The following RNF4 variants were observed in gnomAD, a reference collection of about 807,000 sequenced individuals.
RNF4 encodes the protein E3 ubiquitin-protein ligase RNF4.
A neutral mutation model predicts 24.3 loss-of-function variants in RNF4; 7 were observed. The ratio of observed to expected loss-of-function variants is 0.29; its 90% CI spans 0.16 to 0.54. The LOEUF is 0.54. RNF4 is among the 20% of genes least tolerant of loss of function. The pLI is 0.95. For missense variants in RNF4, 209 were observed against 248.5 expected (o/e 0.84, Z 1.07); for synonymous variants, 83 against 84.3 (o/e 0.98, Z 0.09).
In RNF4 at chr4:2,513,880, T is replaced by C; in HGVS notation, c.*61T>C. On this transcript the variant is annotated 3_prime_UTR_variant, in exon 8 of 8. Transcript: ENST00000314289. ...GACAGACAGCCAGGTTCTCCAGTGGTATCTGCCTCCATTTTCCTGAGATCA... is the reference window on the plus strand; with the variant it reads ...GACAGACAGCCAGGTTCTCCAGTGGCATCTGCCTCCATTTTCCTGAGATCA... 6.2e-7 allele frequency: 1 copy of C among 1,600,878 alleles called. No individual in the cohort carries two copies. Among genetic ancestry groups the C allele is most frequent in the South Asian group, 1.1e-5 (1 of 90,718 alleles).
chr4:2,512,639 G>T lies in RNF4; in HGVS notation c.374+42G>T. The T allele has an allele frequency of 1.2e-6, 2 of 1,606,674 alleles. No individual in the cohort carries two copies. Among genetic ancestry groups the T allele is most frequent in the Non-Finnish European group, 8.5e-7 (1 of 1,175,714 alleles). On this transcript the variant is annotated intron_variant, in intron 6 of 7. Coordinates refer to ENST00000314289, the MANE Select transcript of RNF4 (RefSeq NM_002938.5). This position sits in a 1 kb window ranked among gnomAD's most constrained non-coding sequence, Gnocchi z 4.1. Reference sequence around the variant, plus strand: ...AGCTCTGCTGCCGCCATGCTAGGATGTGGGGCCAGGGCATGGGAATACTTT... The same window carrying T: ...AGCTCTGCTGCCGCCATGCTAGGATTTGGGGCCAGGGCATGGGAATACTTT...
chr4:2,469,954 C>G (rs1451358736), intron 1 of RNF4: 1 of 152,278 alleles, frequency 6.6e-6, no homozygotes, highest in Non-Finnish European at 1.5e-5. Flanking sequence ...TCTCACGACC[C>G]GAAACAGAGT....
rs1004706558 is a variant in RNF4, at chr4:2,497,008, G to C, written c.11G>C (p.Arg4Thr). The change falls in exon 3 of 8, where the codon AGA (arginine) becomes ACA (threonine). Residue 4 changes from arginine to threonine, a missense_variant and splice_region_variant. Physicochemically the swap from Arg to Thr is moderately conservative, Grantham distance 71. Coordinates refer to ENST00000314289, the MANE Select transcript of RNF4 (RefSeq NM_002938.5). MST[R>T]KRRGGAINSR... is the part of the protein sequence containing the mutation. ...TCTTCTTTCCCCCTTGCTACTCAGA[G>C]AAAGCGTCGTGGTGGAGCAATAAAT... is the stretch of plus-strand genomic sequence containing the variant. 11 of 1,596,128 alleles carry C rather than the reference G, an allele frequency of 6.9e-6. No individual in the cohort carries two copies. The highest frequency in any genetic ancestry group is 9.4e-6 in the Non-Finnish European group (11 of 1,171,588).
chr4:2,494,958 A>G (rs1245836574), intron 2 of RNF4, among the ~76,000 whole-genome samples: 1 of 152,216 alleles, frequency 6.6e-6, no homozygotes, highest in Non-Finnish European at 1.5e-5. Flanking sequence ...AGAAGTTACT[A>G]TTTATTTCTA....
intron 1 of RNF4, chr4:2,481,250 CAT>C (rs763316534): frequency 1.3e-5 from 2 of 152,212 alleles, no homozygotes; most frequent in Non-Finnish European, 2.9e-5. Flanking sequence ...AACCATTTCT[CAT>C]GTGTAGAGCT....
chr4:2,494,978 G>A (rs929657901), intron 2 of RNF4, among the ~76,000 whole-genome samples: 6 of 152,172 alleles, frequency 3.9e-5, no homozygotes, highest in Non-Finnish European at 7.3e-5. Flanking sequence ...AATTAGATGG[G>A]GAGGAAAGTC....
At chr4:2,504,712 G>A (rs1388245780) in intron 4 of RNF4, among the ~76,000 whole-genome samples, 2 of 142,530 alleles carry the variant, frequency 1.4e-5, no homozygotes, top group Non-Finnish European at 3.0e-5. Flanking sequence ...CACCATGCCC[G>A]GCTCATTTTT....
At chr4:2,500,217 G>A (rs1397440598) in intron 3 of RNF4, among the ~76,000 whole-genome samples, 1 of 150,368 alleles carries the variant, frequency 6.7e-6, no homozygotes, top group African/African-American at 2.4e-5. Flanking sequence ...ACTAAGCTAA[G>A]CCTGACTTTT....
intron 1 of RNF4, among the ~76,000 whole-genome samples, chr4:2,474,782 T>C (rs779390254): frequency 2.0e-4 from 30 of 152,128 alleles, no homozygotes; most frequent in Admixed American, 5.2e-4. Flanking sequence ...CCCAGCACTT[T>C]AGGAGGCCGA....
At chr4:2,492,016 G>C (rs1472773709) in intron 2 of RNF4, among the ~76,000 whole-genome samples, 2 of 151,788 alleles carry the variant, frequency 1.3e-5, no homozygotes, top group Admixed American at 1.3e-4. Flanking sequence ...GGCTAACACG[G>C]TGAAACCCCG....
intron 1 of RNF4, among the ~76,000 whole-genome samples, chr4:2,475,579 C>T (rs1166518555): frequency 3.3e-5 from 5 of 152,218 alleles, no homozygotes; most frequent in Admixed American, 2.6e-4. Context: ...ACCTCAAGAT[C>T]CACCCGCCTC....
At chr4:2,480,192 C>T (rs539343507) in intron 1 of RNF4, 1 of 152,116 alleles carries the variant, frequency 6.6e-6, no homozygotes, top group African/African-American at 2.4e-5. Context: ...GCAATCCTGC[C>T]TTGGCTTCCC....
chr4:2,486,846 C>G (rs936915924), intron 1 of RNF4, among the ~76,000 whole-genome samples: 1 of 152,164 alleles, frequency 6.6e-6, no homozygotes, highest in Non-Finnish European at 1.5e-5. Context: ...TTTCTAAATT[C>G]TAAGACACGC....
Position 2,490,387 on chromosome 4 carries a change from G to C in RNF4, c.-107G>C. The C allele has an allele frequency of 9.0e-7, 1 of 1,112,164 alleles. No individual in the cohort carries two copies. The highest frequency in any genetic ancestry group is 1.3e-6 in the Non-Finnish European group (1 of 759,954). 68.9% of individuals were successfully genotyped at this position (1,112,164 alleles called of 1,614,324 possible). ...CGGATCCAAATTATTTTGCAAGCCA[G>C]ATGAGTAACCAGAGGGCATGAAAGG... On this transcript the variant is annotated 5_prime_UTR_variant, in exon 2 of 8. Transcript: ENST00000314289.
chr4:2,498,838 C>T (rs1157667684), intron 3 of RNF4, among the ~76,000 whole-genome samples: 1 of 152,134 alleles, frequency 6.6e-6, no homozygotes, highest in African/African-American at 2.4e-5. Context: ...CTGCAGTGAG[C>T]CGTGATCGTG....
intron 1 of RNF4, among the ~76,000 whole-genome samples, chr4:2,471,739 T>G (rs759699611): frequency 1.6e-4 from 24 of 152,218 alleles, no homozygotes; most frequent in Non-Finnish European, 2.9e-4. Context: ...GGATAGAAGA[T>G]CAAACCATCC....
rs199597855 is a variant in RNF4, at chr4:2,512,606, G to A, written c.374+9G>A. 2.6e-4 allele frequency: 412 copies of A among 1,613,298 alleles called. 8 individuals are homozygous for A. The highest frequency in any genetic ancestry group is 2.4e-3 in the East Asian group (106 of 44,878). ...GGCGCTACAGGCCTCAGGTACCAAC[G>A]TGCCCCCAGCTCTGCTGCCGCCATG... On this transcript the variant is annotated intron_variant, in intron 6 of 7. Transcript: ENST00000314289. The surrounding 1 kb of genome is among the most constrained non-coding windows in gnomAD (Gnocchi z 4.1).
intron 4 of RNF4, among the ~76,000 whole-genome samples, chr4:2,502,024 A>G (rs1192864817): frequency 6.6e-6 from 1 of 152,200 alleles, no homozygotes; most frequent in Non-Finnish European, 1.5e-5. Flanking sequence ...ACATACACAC[A>G]TATGACTTTG....
Position 2,500,650 on chromosome 4 carries a change from C to A in RNF4, c.125-9C>A. Reference sequence around the variant, plus strand: ...ATCTTAATGCTTGTTGAAATACTTTCTTTTGAAGCTGGAGATGAAATTGTG... The same window carrying A: ...ATCTTAATGCTTGTTGAAATACTTTATTTTGAAGCTGGAGATGAAATTGTG... On this transcript the variant is annotated splice_polypyrimidine_tract_variant and intron_variant, in intron 3 of 7. Coordinates refer to ENST00000314289, the MANE Select transcript of RNF4 (RefSeq NM_002938.5). 1 of 1,613,416 alleles carries A rather than the reference C, an allele frequency of 6.2e-7. No homozygotes were observed.
Sources: gnomAD v4.1 joint callset for allele counts (sites outside exome capture counted in the v4.1 genomes callset) on GRCh38, gnomAD v4.1.1 for gene constraint, Gnocchi (gnomAD v3.1) non-coding constraint, MANE v1.5 for transcripts, NCBI Gene and HGNC (gene_info 2026-07-23, HGNC 2026-07-21) for gene names.